The following NRG2 variants were observed in gnomAD, a reference collection of about 807,000 sequenced individuals.
NRG2 encodes the protein pro-neuregulin-2, membrane-bound isoform.
A neutral mutation model predicts 73.9 loss-of-function variants in NRG2; 27 were observed. The ratio of observed to expected loss-of-function variants is 0.37; its 90% CI spans 0.27 to 0.50. The LOEUF (loss-of-function observed/expected upper bound fraction) is 0.50, where lower values mean the gene tolerates loss of function less well. NRG2 is among the 20% of genes least tolerant of loss of function. NRG2 has a pLI of 0.96. For missense variants in NRG2, 1,126 were observed against 1,210.1 expected, an observed-to-expected ratio of 0.93 and a Z score of 1.03; for synonymous variants, 532 against 541.0, an observed-to-expected ratio of 0.98 and a Z score of 0.23.
intron 1 of NRG2, among the ~76,000 whole-genome samples, chr5:139,990,572 C>T (rs1757543059): frequency 6.6e-6 from 1 of 152,194 alleles, no homozygotes; most frequent in African/African-American, 2.4e-5. Flanking sequence ...TCCCAAAGTG[C>T]TGGGATTACA....
chr5:139,860,315 C>G (rs748741952), intron 5 of NRG2, among the ~76,000 whole-genome samples: 2 of 152,204 alleles, frequency 1.3e-5, no homozygotes, highest in Non-Finnish European at 2.9e-5. Context: ...CTTCAGCACT[C>G]TCAACTCTCA....
chr5:139,961,485 A>C (rs977655659), intron 1 of NRG2, among the ~76,000 whole-genome samples: 1 of 152,138 alleles, frequency 6.6e-6, no homozygotes, highest in African/African-American at 2.4e-5. Flanking sequence ...CTGCAGCCAG[A>C]AGAATAAAAC....
At chr5:139,999,567 C>T (rs569714905) in intron 1 of NRG2, among the ~76,000 whole-genome samples, 26 of 152,282 alleles carry the variant, frequency 1.7e-4, no homozygotes, top group Non-Finnish European at 3.4e-4. Flanking sequence ...GTTCTCTGTT[C>T]GTACCTGGTA....
chr5:139,900,887 C>A (rs73791228), intron 1 of NRG2, among the ~76,000 whole-genome samples: 5 of 152,202 alleles, frequency 3.3e-5, no homozygotes, highest in Non-Finnish European at 5.9e-5. Context: ...CTTGGGATTC[C>A]TGCAAAAATC....
In NRG2 at chr5:139,870,409, C is replaced by T. The variant is rs911452900; in HGVS notation, c.1112+1312G>A. ...TGAGGAGGCCAGCCGGGGCAAGAGC[C>T]CCTCGTTACCATGTTGTTAGGTGGA... On this transcript the variant is annotated intron_variant, in intron 4 of 9. Transcript: ENST00000361474. The surrounding 1 kb of genome is among the most constrained non-coding windows in gnomAD (Gnocchi z 4.4). Among the ~76,000 whole-genome samples the T allele has an allele frequency of 1.3e-5, 2 of 152,128 alleles. No homozygotes were observed. Among genetic ancestry groups the T allele is most frequent in the Admixed American group, 6.5e-5 (1 of 15,280 alleles).
chr5:140,041,251 G>C (rs989785898), intron 1 of NRG2, among the ~76,000 whole-genome samples: 1 of 152,168 alleles, frequency 6.6e-6, no homozygotes, highest in Non-Finnish European at 1.5e-5. Flanking sequence ...AGTCCAGCAA[G>C]TCATACCGCA....
intron 1 of NRG2, among the ~76,000 whole-genome samples, chr5:139,932,680 T>C (rs1752564780): frequency 6.6e-6 from 1 of 152,152 alleles, no homozygotes; most frequent in Non-Finnish European, 1.5e-5. Context: ...TACTTTATTA[T>C]AGTAAGTATT....
intron 9 of NRG2, among the ~76,000 whole-genome samples, chr5:139,848,995 G>C (rs964431594): frequency 6.6e-6 from 1 of 152,134 alleles, no homozygotes; most frequent in African/African-American, 2.4e-5. Flanking sequence ...CCTGACCCTG[G>C]TAAGCTTTCA....
rs762203159 is a variant in NRG2, at chr5:139,851,771, C to T, written c.1605G>A (p.Ser535=). The change falls in exon 9 of 10, where the codon TCG becomes TCA. Residue 535 remains serine (S), a synonymous_variant. Transcript: ENST00000361474. This position sits in a 1 kb window ranked among gnomAD's most constrained non-coding sequence, Gnocchi z 4.2. ...TACCCACTGATGATAGCATGATCCCCGACTGGGAGTCAGAAGTCAGGCTCT... is the reference window on the plus strand; with the variant it reads ...TACCCACTGATGATAGCATGATCCCTGACTGGGAGTCAGAAGTCAGGCTCT... The part of the protein sequence containing the change: ...RSESLTSDSQ[S]GIMLSSVGTS... 15 of 1,614,238 alleles carry T rather than the reference C, an allele frequency of 9.3e-6. No individual in the cohort carries two copies. The highest frequency in any genetic ancestry group is 3.3e-5 in the Admixed American group (2 of 60,030).
intron 1 of NRG2, among the ~76,000 whole-genome samples, chr5:140,023,118 G>T (rs946734373): frequency 6.6e-6 from 1 of 152,146 alleles, no homozygotes; most frequent in Non-Finnish European, 1.5e-5. Flanking sequence ...CAAAGTATTT[G>T]CAAACATTCC....
Position 139,848,377 on chromosome 5 carries a change from C to A in NRG2, c.2093G>T (p.Gly698Val), listed in dbSNP as rs1189784911. 1 of 1,248,954 alleles carries A rather than the reference C, an allele frequency of 8.0e-7. No individual in the cohort carries two copies. Among genetic ancestry groups the A allele is most frequent in the East Asian group, 3.3e-5 (1 of 30,268 alleles). The allele number at this position is 1,248,954 out of a possible 1,614,324, so 77.4% of individuals were successfully genotyped here. The part of the protein sequence containing the change: ...RGTCALGGSL[G>V]SLPASPFRIP... ...GCGGAAGGGGCTGGCAGGCAGGCTGCCCAGGCTGCCGCCGAGCGCGCAGGT... is the reference window on the plus strand; with the variant it reads ...GCGGAAGGGGCTGGCAGGCAGGCTGACCAGGCTGCCGCCGAGCGCGCAGGT... Residue 698 changes from glycine (G) to valine (V), a missense_variant, in exon 10 of 10, where the codon GGC (glycine) becomes GTC (valine). This residue lies in a region of NRG2 where 402 missense variants were observed against 357.8 expected (regional missense o/e 1.12). Coordinates refer to ENST00000361474, the MANE Select transcript of NRG2 (RefSeq NM_004883.3).
intron 2 of NRG2, among the ~76,000 whole-genome samples, chr5:139,884,008 C>G (rs1400605183): frequency 1.3e-5 from 2 of 152,172 alleles, no homozygotes; most frequent in Non-Finnish European, 1.5e-5. Flanking sequence ...AGGCTAGAAC[C>G]ATCCAAAAGG....
intron 1 of NRG2, among the ~76,000 whole-genome samples, chr5:139,990,042 C>T (rs1004976051): frequency 1.3e-5 from 2 of 151,818 alleles, no homozygotes; most frequent in African/African-American, 4.8e-5. Flanking sequence ...CCCACCTCGG[C>T]CTCCCAAAGT....
intron 1 of NRG2, among the ~76,000 whole-genome samples, chr5:140,015,581 G>A (rs982560609): frequency 6.6e-6 from 1 of 152,202 alleles, no homozygotes; most frequent in Non-Finnish European, 1.5e-5. Flanking sequence ...GATCTGTGCG[G>A]TACCAGCATT....
At chr5:139,975,363 A>G (rs1236186982) in intron 1 of NRG2, among the ~76,000 whole-genome samples, 1 of 152,234 alleles carries the variant, frequency 6.6e-6, no homozygotes, top group Non-Finnish European at 1.5e-5. Flanking sequence ...CTCCTGCTAC[A>G]GGAACCGGCC....
In NRG2 at chr5:139,861,482, CT is replaced by C. The variant is rs560505503; in HGVS notation, c.1189+4066del. 2.5e-4 allele frequency among the ~76,000 whole-genome samples: 38 copies of C among 152,326 alleles called. No homozygotes were observed. The South Asian group carries it at 5.4e-3, about 22-fold the overall frequency. ...ACTGTGATGGCTCTGACTAAAGAGG[CT>C]TGAGGAAGATCCTGGGGCTTCAACC... On this transcript the variant is annotated intron_variant, in intron 5 of 9. Coordinates refer to ENST00000361474, the MANE Select transcript of NRG2 (RefSeq NM_004883.3).
At chr5:139,849,550 C>T (rs1761266909) in intron 9 of NRG2, among the ~76,000 whole-genome samples, 1 of 152,128 alleles carries the variant, frequency 6.6e-6, no homozygotes, top group African/African-American at 2.4e-5. Context: ...CTTTTGTGCT[C>T]CACATCCCCC....
rs75251178 is a variant in NRG2 at position 139,999,228 on chromosome 5, C to G, written c.700+43142G>C. On this transcript the variant is annotated intron_variant, in intron 1 of 9. Coordinates refer to ENST00000361474, the MANE Select transcript of NRG2 (RefSeq NM_004883.3). Reference sequence around the variant, plus strand: ...CCCTAATAACAGTTTATCCTCTATTCCTGCCTCATTCCCCTTATGCCGTTT... The same window carrying G: ...CCCTAATAACAGTTTATCCTCTATTGCTGCCTCATTCCCCTTATGCCGTTT... Among the ~76,000 whole-genome samples, 286 of 152,314 alleles carry G rather than the reference C, an allele frequency of 1.9e-3. 1 individual carries two copies. Among genetic ancestry groups the G allele is most frequent in the African/African-American group, 6.6e-3 (274 of 41,580 alleles).
intron 9 of NRG2, 63 bp from the exon 10 acceptor site, chr5:139,848,760 TGGGGGTGGGGTA>T: frequency 2.3e-5 from 1 of 44,174 alleles, no homozygotes; most frequent in Non-Finnish European, 3.9e-5. Context: ...GAGGGGGGGT[TGGGGGTGGGGTA>T]GGGTGGGAGG....
Sources: gnomAD v4.1 joint callset for allele counts (sites outside exome capture counted in the v4.1 genomes callset) on GRCh38, gnomAD v4.1.1 for gene constraint, gnomAD v4.1.1 regional missense constraint, Gnocchi (gnomAD v3.1) non-coding constraint, MANE v1.5 for transcripts, NCBI Gene and HGNC (gene_info 2026-07-23, HGNC 2026-07-21) for gene names.